The following TLN2 variants were observed in gnomAD, a reference collection of about 807,000 sequenced individuals.
TLN2 encodes talin 2.
Under a neutral mutation model 294.7 loss-of-function variants are expected in TLN2, and 118 were observed. The ratio of observed to expected loss-of-function variants is 0.40; its 90% CI spans 0.34 to 0.47. TLN2 has a LOEUF of 0.47. Among genes scored for constraint, TLN2 ranks in the 20% least tolerant of loss-of-function variants. TLN2 has a pLI of 0.84. For missense variants in TLN2, 3,083 were observed against 3,282.2 expected (o/e 0.94, Z 1.48); for synonymous variants, 1,431 against 1,304.5 (o/e 1.10, Z -2.09).
chr15:62,426,619 T>C (rs1025910582), intron 1 of TLN2, among the ~76,000 whole-genome samples: 1 of 152,234 alleles, frequency 6.6e-6, no homozygotes, highest in Non-Finnish European at 1.5e-5. Flanking sequence ...AACTAACTCC[T>C]AGTCAGATCA....
chr15:62,658,021 C>A, intron 9 of TLN2, 123 bp downstream of exon 9: 1 of 1,023,584 alleles, frequency 9.8e-7, no homozygotes, highest in Non-Finnish European at 1.4e-6. Flanking sequence ...AGAATGCTAG[C>A]TTTTCTTCCA....
intron 32 of TLN2, among the ~76,000 whole-genome samples, chr15:62,743,506 T>G (rs2061452003): frequency 6.6e-6 from 1 of 152,168 alleles, no homozygotes; most frequent in African/African-American, 2.4e-5. Flanking sequence ...TGGTTTTGGA[T>G]GCCTAGGGGA....
At chr15:62,531,040 A>AT (rs1210025185) in intron 1 of TLN2, among the ~76,000 whole-genome samples, 1 of 152,090 alleles carries the variant, frequency 6.6e-6, no homozygotes, top group Non-Finnish European at 1.5e-5. Flanking sequence ...TGCCATTCAG[A>AT]TTTTTTATTA....
intron 1 of TLN2, among the ~76,000 whole-genome samples, chr15:62,507,041 G>A (rs557951771): frequency 6.6e-6 from 1 of 152,200 alleles, no homozygotes; most frequent in Non-Finnish European, 1.5e-5. Flanking sequence ...CTGAACTTTG[G>A]TCAGCTGATA....
intron 54 of TLN2, among the ~76,000 whole-genome samples, chr15:62,821,324 GCGGCCTGTTT>G (rs1332363214): frequency 6.6e-6 from 1 of 152,198 alleles, no homozygotes; most frequent in Non-Finnish European, 1.5e-5. Context: ...AGAACCAGAG[GCGGCCTGTTT>G]TTCTTCCTAT....
At chr15:62,623,296 G>A (rs1266625723) in intron 3 of TLN2, among the ~76,000 whole-genome samples, 3 of 152,234 alleles carry the variant, frequency 2.0e-5, no homozygotes, top group African/African-American at 7.2e-5. Flanking sequence ...GGCTAAGCAT[G>A]AAGGGAACTA....
chr15:62,731,149 T>G (rs1468864560), intron 28 of TLN2, among the ~76,000 whole-genome samples: 1 of 152,228 alleles, frequency 6.6e-6, no homozygotes, highest in Non-Finnish European at 1.5e-5. Flanking sequence ...GATTATTTAC[T>G]TATAGTTTGT....
intron 11 of TLN2, among the ~76,000 whole-genome samples, chr15:62,681,071 C>A (rs149068073): frequency 3.9e-4 from 60 of 152,158 alleles, no homozygotes; most frequent in African/African-American, 1.3e-3. Flanking sequence ...CATGTAATGT[C>A]TTCTTTTCCT....
chr15:62,419,925 T>G (rs114379325), intron 1 of TLN2, among the ~76,000 whole-genome samples: 1,751 of 152,308 alleles, frequency 0.011, 32 homozygotes, highest in African/African-American at 0.04. Flanking sequence ...GTGCCCCTCC[T>G]GAACTCTATT....
intron 52 of TLN2, among the ~76,000 whole-genome samples, chr15:62,813,256 G>A (rs1567662144): frequency 1.3e-5 from 2 of 152,166 alleles, no homozygotes; most frequent in Non-Finnish European, 1.5e-5. Context: ...TTACAAACTT[G>A]CATGGTTGAT....
chr15:62,404,813 C>A (rs1555402894), intron 1 of TLN2, among the ~76,000 whole-genome samples: 1 of 152,112 alleles, frequency 6.6e-6, no homozygotes, highest in Non-Finnish European at 1.5e-5. Context: ...CCTGTCACTC[C>A]TAGGCTCTCC....
chr15:62,712,623 A>C (rs1034227504), intron 22 of TLN2, among the ~76,000 whole-genome samples: 3 of 152,226 alleles, frequency 2.0e-5, no homozygotes, highest in Non-Finnish European at 4.4e-5. Flanking sequence ...AGTGATTCTG[A>C]ACCAGCGGTC....
chr15:62,401,409 G>A (rs758121983), intron 1 of TLN2, among the ~76,000 whole-genome samples: 34 of 152,282 alleles, frequency 2.2e-4, no homozygotes, highest in Middle Eastern at 6.8e-3. Flanking sequence ...TCTAAGTAAA[G>A]CAGAATTGGT....
At chr15:62,418,370 C>T (rs2034200595) in intron 1 of TLN2, among the ~76,000 whole-genome samples, 1 of 152,180 alleles carries the variant, frequency 6.6e-6, no homozygotes, top group Non-Finnish European at 1.5e-5. Flanking sequence ...GCTCTTATAG[C>T]TTCTGATAAT....
chr15:62,770,210 G>T (rs542319756), intron 41 of TLN2, among the ~76,000 whole-genome samples: 1 of 152,320 alleles, frequency 6.6e-6, no homozygotes, highest in South Asian at 2.1e-4. Flanking sequence ...TCTTAAAGTT[G>T]TGGAGGCTCA....
At chr15:62,738,159 C>T in intron 29 of TLN2, 55 bp from the exon 30 acceptor site, 3 of 1,596,388 alleles carry the variant, frequency 1.9e-6, no homozygotes, top group Non-Finnish European at 2.6e-6. Flanking sequence ...CCATTCCCAA[C>T]AAATGTGCAG....
intron 36 of TLN2, chr15:62,755,322 C>CT (rs1308433024): frequency 1.7e-6 from 1 of 578,786 alleles, no homozygotes; most frequent in African/African-American, 1.9e-5. Context: ...TCAGCACCTC[C>CT]TTTTTTCTTA....
chr15:62,689,042 T>C (rs1349007060), intron 12 of TLN2, among the ~76,000 whole-genome samples: 1 of 151,880 alleles, frequency 6.6e-6, no homozygotes, highest in Non-Finnish European at 1.5e-5. Flanking sequence ...GTAGTTTTTC[T>C]GTTTGTCCAC....
intron 1 of TLN2, among the ~76,000 whole-genome samples, chr15:62,466,559 G>T (rs893382989): frequency 1.3e-5 from 2 of 152,212 alleles, no homozygotes; most frequent in Non-Finnish European, 2.9e-5. Context: ...GTTGAGAACC[G>T]TTGCTTTAGA....
Sources: allele counts gnomAD v4.1 joint callset (sites outside exome capture counted in the v4.1 genomes callset), GRCh38; gene constraint gnomAD v4.1.1; transcripts MANE v1.5; gene names NCBI Gene and HGNC (gene_info 2026-07-23, HGNC 2026-07-21).